The following CACNA1C variants were observed in gnomAD, a reference collection of about 807,000 sequenced individuals.
CACNA1C encodes voltage-dependent L-type calcium channel subunit alpha-1C.
In CACNA1C, 30 loss-of-function variants were observed where a neutral mutation model predicts 229.0. The ratio of observed to expected loss-of-function variants is 0.13; its 90% CI spans 0.10 to 0.18. CACNA1C has a LOEUF of 0.18. CACNA1C is among the 10% of genes least tolerant of loss of function. CACNA1C has a pLI of 1.00. For synonymous variants in CACNA1C, 1,114 were observed against 1,132.5 expected (o/e 0.98, Z 0.33); for missense variants, 1,658 against 2,845.0 (o/e 0.58, Z 9.49).
At chr12:2,448,683 A>G (rs1047046042) in intron 3 of CACNA1C, among the ~76,000 whole-genome samples, 5 of 152,130 alleles carry the variant, frequency 3.3e-5, no homozygotes, top group South Asian at 2.1e-4. Flanking sequence ...TCAACTGATT[A>G]ACTAAATAAA....
intron 1 of CACNA1C, among the ~76,000 whole-genome samples, chr12:2,088,731 G>A (rs572372070): frequency 6.6e-6 from 1 of 152,140 alleles, no homozygotes; most frequent in Non-Finnish European, 1.5e-5. Context: ...CTTCGTGCTT[G>A]CAGACATGCG....
At chr12:2,310,352 A>AT (rs1555425896) in intron 3 of CACNA1C, among the ~76,000 whole-genome samples, 3,744 of 139,730 alleles carry the variant, frequency 0.027, 84 homozygotes, top group Middle Eastern at 0.054. Context: ...TAAAAAAAAA[A>AT]ATATATATAT....
At chr12:2,039,521 A>G (rs1003550517) in intron 1 of CACNA1C, among the ~76,000 whole-genome samples, 1 of 152,254 alleles carries the variant, frequency 6.6e-6, no homozygotes, top group African/African-American at 2.4e-5. Flanking sequence ...GCCAAGTACT[A>G]TTCTTGGTAA....
intron 3 of CACNA1C, among the ~76,000 whole-genome samples, chr12:2,421,403 TA>T (rs2098977819): frequency 1.3e-5 from 2 of 152,232 alleles, no homozygotes; most frequent in African/African-American, 2.4e-5. Context: ...TTCATACTGT[TA>T]ATTAAATCTG....
At chr12:2,425,292 G>A (rs1466717405) in intron 3 of CACNA1C, among the ~76,000 whole-genome samples, 1 of 152,222 alleles carries the variant, frequency 6.6e-6, no homozygotes, top group Non-Finnish European at 1.5e-5. Flanking sequence ...AATATAAAAT[G>A]ATACGAACAG....
chr12:2,319,603 C>T lies in CACNA1C; in HGVS notation c.478-129373C>T, dbSNP rs2095871400. On this transcript the variant is annotated intron_variant, in intron 3 of 46. Transcript: ENST00000399655. The surrounding 1 kb of genome is among the most constrained non-coding windows in gnomAD (Gnocchi z 4.0). ...GATAAGGGTGTAGCTCTGCTCATTTCTGGAGGTCTCCACACACCCTCCGGG... is the reference window on the plus strand; with the variant it reads ...GATAAGGGTGTAGCTCTGCTCATTTTTGGAGGTCTCCACACACCCTCCGGG... Among the ~76,000 whole-genome samples, 1 of 152,148 alleles carries T rather than the reference C, an allele frequency of 6.6e-6. No individual in the cohort carries two copies. Among genetic ancestry groups the T allele is most frequent in the Non-Finnish European group, 1.5e-5 (1 of 68,026 alleles).
At chr12:2,293,031 A>G (rs569990509) in intron 3 of CACNA1C, among the ~76,000 whole-genome samples, 3 of 151,798 alleles carry the variant, frequency 2.0e-5, no homozygotes, top group Non-Finnish European at 4.4e-5. Context: ...CTTCCTTGAT[A>G]TATGCCCAGG....
chr12:2,059,107 T>A (rs2056438112), intron 1 of CACNA1C, among the ~76,000 whole-genome samples: 1 of 152,148 alleles, frequency 6.6e-6, no homozygotes, highest in African/African-American at 2.4e-5. Context: ...TGGAGAACCT[T>A]GCTTCAGTGC....
intron 8 of CACNA1C, among the ~76,000 whole-genome samples, chr12:2,511,647 A>C (rs113110728): frequency 6.6e-6 from 1 of 152,250 alleles, no homozygotes; most frequent in South Asian, 2.1e-4. Context: ...CTGCATATCA[A>C]AACCAAAAAT....
intron 9 of CACNA1C, among the ~76,000 whole-genome samples, chr12:2,532,507 G>A (rs936133420): frequency 6.6e-6 from 1 of 152,192 alleles, no homozygotes; most frequent in Admixed American, 6.5e-5. Flanking sequence ...TCACCATCCA[G>A]GTAGTTGTTA....
intron 3 of CACNA1C, among the ~76,000 whole-genome samples, chr12:2,367,141 G>C (rs116533189): frequency 1.7e-3 from 256 of 152,284 alleles, no homozygotes; most frequent in African/African-American, 5.9e-3. Context: ...ATGGGGGCAG[G>C]GTTTTGGGAT....
chr12:2,053,598 G>T lies in CACNA1C; in HGVS notation c.36G>T (p.Glu12Asp). ...VNENTRMYIPEENHQGSNYGS... is the reference protein window; with the variant it reads ...VNENTRMYIPDENHQGSNYGS... ...AGAATACGAGGATGTACATTCCAGA[G>T]GAAAACCACCAAGGTAAGGCTGGAC... The change falls in exon 1 of 47, where the codon GAG becomes GAT. Residue 12 changes from glutamate (E) to aspartate (D), a missense_variant. Physicochemically the swap from Glu to Asp is conservative, Grantham distance 45. This residue lies in a region of CACNA1C where 111 missense variants were observed against 128.0 expected (regional missense o/e 0.87). Transcript: ENST00000399655. The surrounding 1 kb of genome is among the most constrained non-coding windows in gnomAD (Gnocchi z 5.8). The T allele has an allele frequency of 6.3e-7, 1 of 1,598,964 alleles. No individual in the cohort carries two copies.
At chr12:2,395,075 A>G (rs964865173) in intron 3 of CACNA1C, among the ~76,000 whole-genome samples, 4 of 152,142 alleles carry the variant, frequency 2.6e-5, no homozygotes, top group Non-Finnish European at 5.9e-5. Context: ...GCTGGAGTGT[A>G]GTAGCACAGT....
intron 3 of CACNA1C, among the ~76,000 whole-genome samples, chr12:2,296,683 G>A (rs2094071945): frequency 6.6e-6 from 1 of 152,148 alleles, no homozygotes; most frequent in Non-Finnish European, 1.5e-5. Context: ...CAAGGAGTGA[G>A]GATAAGGGAA....
chr12:2,663,075 A>T (rs184230758), intron 34 of CACNA1C, among the ~76,000 whole-genome samples: 1 of 152,378 alleles, frequency 6.6e-6, no homozygotes, highest in East Asian at 1.9e-4. Context: ...AAATAGAGAA[A>T]GATTTTTTAA....
chr12:2,504,925 G>T lies in CACNA1C; in HGVS notation c.1197G>T (p.Leu399Phe). Residue 399 changes from leucine to phenylalanine, a missense_variant, in exon 8 of 47, where the codon TTG becomes TTT. By Grantham distance (22) the Leu-to-Phe change is conservative (BLOSUM62 0). Coordinates refer to ENST00000399655, the MANE Select transcript of CACNA1C (RefSeq NM_000719.7). The surrounding 1 kb of genome is among the most constrained non-coding windows in gnomAD (Gnocchi z 6.8). ...IIIGSFFVLN[L>F]VLGVLSGEFS... ...TAGGGTCATTTTTTGTACTTAACTT[G>T]GTTCTCGGTGTGCTTAGCGGGTAAG... is the stretch of plus-strand genomic sequence containing the variant. 1 of 1,588,296 alleles carries T rather than the reference G, an allele frequency of 6.3e-7. No individual in the cohort carries two copies. The highest frequency in any genetic ancestry group is 8.6e-7 in the Non-Finnish European group (1 of 1,156,684).
At chr12:2,271,051 G>C (rs1218451031) in intron 3 of CACNA1C, among the ~76,000 whole-genome samples, 1 of 152,194 alleles carries the variant, frequency 6.6e-6, no homozygotes, top group Non-Finnish European at 1.5e-5. Flanking sequence ...TTCGCATCCA[G>C]CTGTCTCTTC....
rs530651492 is a variant in CACNA1C, at chr12:2,247,230, G to T, written c.477+126800G>T. The stretch of plus-strand genomic sequence containing the variant: ...TGTTATAACCTTGCTCTCTCTATAT[G>T]GTCACAGTGCATTGCATGGAAGTTG... On this transcript the variant is annotated intron_variant, in intron 3 of 46. Transcript: ENST00000399655. 2.6e-5 allele frequency among the ~76,000 whole-genome samples: 4 copies of T among 152,200 alleles called. No homozygotes were observed. The South Asian group carries it at 8.3e-4, about 32-fold the overall frequency.
intron 3 of CACNA1C, chr12:2,217,736 T>G (rs2060344188): frequency 6.6e-6 from 1 of 152,186 alleles, no homozygotes; most frequent in Admixed American, 6.5e-5. Flanking sequence ...TCCTAACATA[T>G]CCGTATATTC....
Sources: gnomAD v4.1 joint callset for allele counts (sites outside exome capture counted in the v4.1 genomes callset) on GRCh38, gnomAD v4.1.1 for gene constraint, gnomAD v4.1.1 regional missense constraint, Gnocchi (gnomAD v3.1) non-coding constraint, MANE v1.5 for transcripts, NCBI Gene and HGNC (gene_info 2026-07-23, HGNC 2026-07-21) for gene names.